EPC2: variants seen among roughly 807,000 people sequenced by gnomAD.
EPC2 encodes enhancer of polycomb homolog 2.
In EPC2, 14 loss-of-function variants were observed where a neutral mutation model predicts 92.1. The ratio of observed to expected loss-of-function variants is 0.15; its 90% CI spans 0.10 to 0.24. The LOEUF (loss-of-function observed/expected upper bound fraction) is 0.24, where lower values mean the gene tolerates loss of function less well. EPC2 is among the 10% of genes least tolerant of loss of function. EPC2 has a pLI of 1.00. For missense variants in EPC2, 755 were observed against 971.5 expected, an observed-to-expected ratio of 0.78 and a Z score of 2.96; for synonymous variants, 340 against 334.7, an observed-to-expected ratio of 1.02 and a Z score of -0.17.
At chr2:148,720,771 C>T (rs995827742) in intron 2 of EPC2, among the ~76,000 whole-genome samples, 6 of 152,136 alleles carry the variant, frequency 3.9e-5, no homozygotes, top group African/African-American at 1.2e-4. Context: ...AGTGGGCCGC[C>T]GCGCCACCCT....
At chr2:148,673,664 G>A (rs774154010) in intron 1 of EPC2, among the ~76,000 whole-genome samples, 2 of 152,044 alleles carry the variant, frequency 1.3e-5, no homozygotes, top group Non-Finnish European at 2.9e-5. Flanking sequence ...GCTCACTGCA[G>A]CCTCTGCCTC....
At chr2:148,709,372 A>C (rs1224086809) in intron 2 of EPC2, among the ~76,000 whole-genome samples, 1 of 152,274 alleles carries the variant, frequency 6.6e-6, no homozygotes, top group East Asian at 1.9e-4. Context: ...AGAACATCCC[A>C]TGCTCATGGA....
intron 10 of EPC2, among the ~76,000 whole-genome samples, chr2:148,775,515 CATA>C (rs1438100873): frequency 6.6e-6 from 1 of 151,660 alleles, no homozygotes; most frequent in Admixed American, 6.6e-5. Context: ...TGCAAATTAA[CATA>C]ATACTTTTTT....
At chr2:148,718,954 C>T (rs1464889124) in intron 2 of EPC2, among the ~76,000 whole-genome samples, 3 of 152,066 alleles carry the variant, frequency 2.0e-5, no homozygotes, top group Non-Finnish European at 2.9e-5. Flanking sequence ...TCTTTTTTCT[C>T]TAGTATTGTC....
At chr2:148,711,749 C>G (rs1406929143) in intron 2 of EPC2, among the ~76,000 whole-genome samples, 1 of 152,142 alleles carries the variant, frequency 6.6e-6, no homozygotes, top group African/African-American at 2.4e-5. Flanking sequence ...TTTTGCCTCA[C>G]ATAGTTTGTT....
At chr2:148,776,986 A>G (rs1407988332) in intron 10 of EPC2, among the ~76,000 whole-genome samples, 2 of 151,486 alleles carry the variant, frequency 1.3e-5, no homozygotes, top group Non-Finnish European at 1.5e-5. Flanking sequence ...CAGCCTCCCA[A>G]GTAGCTGGGA....
chr2:148,684,416 G>A (rs1681471843), intron 1 of EPC2, among the ~76,000 whole-genome samples: 1 of 152,084 alleles, frequency 6.6e-6, no homozygotes, highest in Admixed American at 6.6e-5. Flanking sequence ...TCATGAACTC[G>A]TTGCCTAAGC....
intron 2 of EPC2, among the ~76,000 whole-genome samples, chr2:148,728,599 T>G (rs1035925497): frequency 6.6e-6 from 1 of 151,922 alleles, no homozygotes; most frequent in East Asian, 1.9e-4. Flanking sequence ...TGTGGTGGTG[T>G]TATGTCTGTA....
At chr2:148,709,228 G>A (rs1421217454) in intron 2 of EPC2, among the ~76,000 whole-genome samples, 1 of 151,926 alleles carries the variant, frequency 6.6e-6, no homozygotes, top group Non-Finnish European at 1.5e-5. Context: ...AAATCATGAG[G>A]GAACTCCCAT....
Position 148,771,231 on chromosome 2 carries a change from T to A in EPC2, c.1564T>A (p.Ser522Thr). ...TTCTGAAATATTAAGCAATATCAGA[T>A]CATGTCGACTACAGTGTTTCCAGCC... ...SLSEILSNIR[S>T]CRLQCFQPRL... is the part of the protein sequence containing the mutation. Residue 522 changes from serine to threonine, a missense_variant, in exon 10 of 14, where the codon TCA becomes ACA. Coordinates refer to ENST00000258484, the MANE Select transcript of EPC2 (RefSeq NM_015630.4). 4.3e-6 allele frequency: 7 copies of A among 1,613,962 alleles called. No individual in the cohort carries two copies. Among genetic ancestry groups the A allele is most frequent in the Non-Finnish European group, 5.9e-6 (7 of 1,179,878 alleles).
intron 4 of EPC2, among the ~76,000 whole-genome samples, chr2:148,760,502 A>G (rs1347358179): frequency 1.3e-5 from 2 of 152,192 alleles, no homozygotes; most frequent in East Asian, 1.9e-4. Flanking sequence ...GGACATGTGC[A>G]ATACCCTGCA....
intron 1 of EPC2, among the ~76,000 whole-genome samples, chr2:148,652,760 A>G (rs1406416908): frequency 6.6e-6 from 1 of 152,172 alleles, no homozygotes; most frequent in African/African-American, 2.4e-5. Context: ...AATTTGGCTT[A>G]TCGTTCTTTT....
At chr2:148,648,428 C>G (rs1436225174) in intron 1 of EPC2, among the ~76,000 whole-genome samples, 1 of 152,216 alleles carries the variant, frequency 6.6e-6, no homozygotes, top group Non-Finnish European at 1.5e-5. Flanking sequence ...TTTTGTGTTT[C>G]ACTTGAATTG....
chr2:148,757,032 C>T (rs1055107404), intron 4 of EPC2, among the ~76,000 whole-genome samples: 1 of 152,106 alleles, frequency 6.6e-6, no homozygotes, highest in African/African-American at 2.4e-5. Flanking sequence ...GGAATAGGGC[C>T]GTCTTAGAAG....
intron 2 of EPC2, among the ~76,000 whole-genome samples, chr2:148,723,160 C>T (rs925619525): frequency 9.9e-5 from 15 of 152,250 alleles, no homozygotes; most frequent in African/African-American, 3.4e-4. Context: ...CATTGAGGCC[C>T]TGAACCTAAA....
chr2:148,777,762 C>T (rs746690086), intron 10 of EPC2, among the ~76,000 whole-genome samples: 10 of 152,110 alleles, frequency 6.6e-5, no homozygotes, highest in Non-Finnish European at 1.5e-4. Flanking sequence ...TGAAAACAGT[C>T]TGCTTTCCAA....
At chr2:148,772,644 GTTAA>G (rs1426444482) in intron 10 of EPC2, among the ~76,000 whole-genome samples, 9 of 152,232 alleles carry the variant, frequency 5.9e-5, no homozygotes, top group Admixed American at 5.9e-4. Context: ...AAATTGGTTG[GTTAA>G]TTTTCTCCTA....
intron 1 of EPC2, among the ~76,000 whole-genome samples, chr2:148,675,660 TG>T (rs1261735792): frequency 6.6e-6 from 1 of 152,246 alleles, no homozygotes; most frequent in Non-Finnish European, 1.5e-5. Flanking sequence ...GTGGGTCAGA[TG>T]GGCCCAGTAT....
intron 1 of EPC2, among the ~76,000 whole-genome samples, chr2:148,661,635 G>A (rs4972291): frequency 0.14 from 21,275 of 151,958 alleles, 2,409 homozygotes; most frequent in East Asian, 0.45. Flanking sequence ...ACATAATTTT[G>A]TATTGATTTA....
Sources: allele counts gnomAD v4.1 joint callset (sites outside exome capture counted in the v4.1 genomes callset), GRCh38; gene constraint gnomAD v4.1.1; transcripts MANE v1.5; gene names NCBI Gene and HGNC (gene_info 2026-07-23, HGNC 2026-07-21).